TMEM131: variants seen among roughly 807,000 people sequenced by gnomAD.
TMEM131 encodes the protein 2610524E03Rik.
TMEM131 carries 66 observed loss-of-function variants against 211.6 expected under a neutral mutation model. That is an observed-to-expected ratio of 0.31 (90% CI 0.26 to 0.38). The LOEUF is 0.38. Ranked by LOEUF, TMEM131 falls within the 10% of genes least tolerant of loss-of-function variation. TMEM131 has a pLI of 1.00. For missense variants in TMEM131, 2,036 were observed against 2,299.3 expected (o/e 0.89, Z 2.34); for synonymous variants, 844 against 841.3 (o/e 1.00, Z -0.06).
intron 5 of TMEM131, among the ~76,000 whole-genome samples, chr2:97,847,059 G>C (rs1683473918): frequency 7.9e-6 from 1 of 126,992 alleles, no homozygotes; most frequent in South Asian, 3.0e-4. Flanking sequence ...CGTGCCTGTA[G>C]TCCCAGCTAC....
intron 4 of TMEM131, among the ~76,000 whole-genome samples, chr2:97,867,154 G>T (rs1341665195): frequency 1.3e-5 from 2 of 152,192 alleles, no homozygotes; most frequent in Non-Finnish European, 2.9e-5. Context: ...AGCTGAATAA[G>T]TATTCTGTTG....
intron 1 of TMEM131, among the ~76,000 whole-genome samples, chr2:97,986,204 T>C (rs995960155): frequency 6.6e-6 from 1 of 152,198 alleles, no homozygotes; most frequent in Admixed American, 6.5e-5. Flanking sequence ...ACTTTATTGG[T>C]AGACTGGTAA....
intron 40 of TMEM131, 69 bp downstream of exon 40, chr2:97,758,824 G>A (rs567030558): frequency 6.5e-7 from 1 of 1,540,550 alleles, no homozygotes; most frequent in East Asian, 2.4e-5. Flanking sequence ...TGCCATCCAT[G>A]TCACAGCAAT....
At chr2:97,878,496 A>C (rs1390926792) in intron 4 of TMEM131, among the ~76,000 whole-genome samples, 1 of 152,244 alleles carries the variant, frequency 6.6e-6, no homozygotes, top group African/African-American at 2.4e-5. Context: ...GCACACATAC[A>C]ACATGGAATA....
intron 1 of TMEM131, among the ~76,000 whole-genome samples, chr2:97,933,474 G>T (rs553289822): frequency 4.6e-5 from 7 of 152,268 alleles, no homozygotes; most frequent in Non-Finnish European, 1.0e-4. Flanking sequence ...AGGGTAGGGG[G>T]AAGTGAGGAG....
chr2:97,818,901 A>G (rs1681979126), intron 11 of TMEM131, among the ~76,000 whole-genome samples, 180 bp from the exon 12 acceptor site: 1 of 152,260 alleles, frequency 6.6e-6, no homozygotes, highest in Non-Finnish European at 1.5e-5. Context: ...TAATTTCATC[A>G]GAATATCTTT....
chr2:97,900,391 T>C, intron 3 of TMEM131, among the ~76,000 whole-genome samples: 1 of 152,048 alleles, frequency 6.6e-6, no homozygotes, highest in East Asian at 1.9e-4. Flanking sequence ...TCTGCTTCTA[T>C]ATTCTCCATT....
At chr2:97,945,905 T>C (rs776228638) in intron 1 of TMEM131, among the ~76,000 whole-genome samples, 2 of 152,140 alleles carry the variant, frequency 1.3e-5, no homozygotes, top group Non-Finnish European at 2.9e-5. Context: ...TTATGCTAAG[T>C]TGGAAATACT....
At chr2:97,889,307 A>G (rs1157097559) in intron 3 of TMEM131, among the ~76,000 whole-genome samples, 1 of 152,182 alleles carries the variant, frequency 6.6e-6, no homozygotes. Context: ...GCATGAAACT[A>G]AAGACACCGG....
intron 1 of TMEM131, among the ~76,000 whole-genome samples, chr2:97,946,154 C>A (rs10432617): frequency 0.018 from 2,700 of 151,770 alleles, 111 homozygotes; most frequent in East Asian, 0.15. Context: ...ATGGTATATC[C>A]ATACAGTTAT....
chr2:97,962,701 G>T (rs1678874233), intron 1 of TMEM131, among the ~76,000 whole-genome samples: 1 of 152,128 alleles, frequency 6.6e-6, no homozygotes, highest in Non-Finnish European at 1.5e-5. Flanking sequence ...TGCGAGAAAT[G>T]AAAATATTTG....
At chr2:97,958,884 C>T (rs989186872) in intron 1 of TMEM131, among the ~76,000 whole-genome samples, 7 of 152,150 alleles carry the variant, frequency 4.6e-5, no homozygotes, top group African/African-American at 7.2e-5. Context: ...CAACTTATTA[C>T]GGGCAGAACC....
At chr2:97,880,314 C>A (rs549024292) in intron 4 of TMEM131, among the ~76,000 whole-genome samples, 1 of 152,062 alleles carries the variant, frequency 6.6e-6, no homozygotes, top group South Asian at 2.1e-4. Context: ...AAATAGGAAA[C>A]CATTAAAGGA....
intron 7 of TMEM131, among the ~76,000 whole-genome samples, chr2:97,838,209 G>A (rs961281436): frequency 1.3e-5 from 2 of 152,024 alleles, no homozygotes; most frequent in African/African-American, 4.8e-5. Flanking sequence ...TTTCTTTTGG[G>A]TAAATATATA....
At chr2:97,979,503 A>G (rs572091020) in intron 1 of TMEM131, among the ~76,000 whole-genome samples, 41 of 152,356 alleles carry the variant, frequency 2.7e-4, no homozygotes, top group Non-Finnish European at 5.1e-4. Context: ...CAACTTGTAC[A>G]TCGGCACTTA....
chr2:97,977,551 T>C (rs1456858162), intron 1 of TMEM131, among the ~76,000 whole-genome samples: 1 of 152,256 alleles, frequency 6.6e-6, no homozygotes, highest in Admixed American at 6.5e-5. Context: ...GTAAGTTTTC[T>C]TGATTTCCCA....
intron 1 of TMEM131, among the ~76,000 whole-genome samples, chr2:97,981,054 A>G (rs1186815950): frequency 1.8e-4 from 24 of 130,762 alleles, no homozygotes; most frequent in East Asian, 1.4e-3. Flanking sequence ...AAAAAAAAAA[A>G]AAAAAAAAAA....
chr2:97,886,555 G>C (rs1171256102), intron 4 of TMEM131, among the ~76,000 whole-genome samples: 1 of 152,206 alleles, frequency 6.6e-6, no homozygotes, highest in Non-Finnish European at 1.5e-5. Flanking sequence ...CTTGACGTCT[G>C]CAAGTATCTC....
chr2:97,983,529 C>T (rs1679894064), intron 1 of TMEM131, among the ~76,000 whole-genome samples: 1 of 152,170 alleles, frequency 6.6e-6, no homozygotes, highest in Non-Finnish European at 1.5e-5. Flanking sequence ...GAGATGGAGG[C>T]TGCACAAATG....
Sources: gnomAD v4.1 joint callset for allele counts (sites outside exome capture counted in the v4.1 genomes callset) on GRCh38, gnomAD v4.1.1 for gene constraint, MANE v1.5 for transcripts, NCBI Gene and HGNC (gene_info 2026-07-23, HGNC 2026-07-21) for gene names.